Variants in CTNNA2 observed in about 807,000 individuals in gnomAD.
CTNNA2 encodes the protein catenin alpha-2.
CTNNA2 carries 42 observed loss-of-function variants against 101.0 expected under a neutral mutation model. That is an observed-to-expected ratio of 0.42 (90% CI 0.32 to 0.54). The LOEUF is 0.54. Among genes scored for constraint, CTNNA2 ranks in the 20% least tolerant of loss-of-function variants. CTNNA2 has a pLI of 0.14. For synonymous variants in CTNNA2, 450 were observed against 456.4 expected (o/e 0.99, Z 0.18); for missense variants, 871 against 1,223.1 (o/e 0.71, Z 4.29).
At chr2:79,399,212 G>T (rs1295645467) in intron 4 of CTNNA2, among the ~76,000 whole-genome samples, 1 of 152,118 alleles carries the variant, frequency 6.6e-6, no homozygotes, top group Non-Finnish European at 1.5e-5. Flanking sequence ...TTGAGGATAA[G>T]AGGCTGATTT....
chr2:79,330,851 C>A (rs996385861), intron 3 of CTNNA2, among the ~76,000 whole-genome samples: 2 of 152,160 alleles, frequency 1.3e-5, no homozygotes, highest in African/African-American at 2.4e-5. Context: ...AAACCTCTTT[C>A]CTTTATAAAT....
intron 3 of CTNNA2, among the ~76,000 whole-genome samples, chr2:79,316,363 G>A (rs1676497623): frequency 2.0e-5 from 3 of 152,042 alleles, no homozygotes; most frequent in African/African-American, 4.8e-5. Context: ...AAACTGGAAG[G>A]AGTGAGTCCT....
chr2:79,833,629 C>G (rs1244604746), intron 3 of CTNNA2, among the ~76,000 whole-genome samples: 1 of 152,104 alleles, frequency 6.6e-6, no homozygotes, highest in African/African-American at 2.4e-5. Flanking sequence ...GCATGCCACA[C>G]AAAAAGCCAA....
intron 7 of CTNNA2, among the ~76,000 whole-genome samples, chr2:80,200,624 C>T (rs1707139490): frequency 6.6e-6 from 1 of 152,144 alleles, no homozygotes. Context: ...CAATCTCCAC[C>T]TCCTGGGTTC....
At chr2:80,046,088 C>G (rs1019394371) in intron 7 of CTNNA2, among the ~76,000 whole-genome samples, 1 of 152,194 alleles carries the variant, frequency 6.6e-6, no homozygotes, top group Non-Finnish European at 1.5e-5. Flanking sequence ...GCCCTTTCCT[C>G]TGCATTCTTA....
intron 18 of CTNNA2, among the ~76,000 whole-genome samples, chr2:80,643,703 T>C (rs1392420611): frequency 6.6e-6 from 1 of 152,108 alleles, no homozygotes; most frequent in Non-Finnish European, 1.5e-5. Flanking sequence ...AGATGACTAA[T>C]AAGAGTAGCT....
intron 7 of CTNNA2, among the ~76,000 whole-genome samples, chr2:80,090,164 GTGTGTGTGTGTGTGTGTGTGTGTGTT>G (rs914617734): frequency 3.0e-5 from 3 of 99,118 alleles, no homozygotes; most frequent in African/African-American, 1.1e-4. Flanking sequence ...GTGTGTGTGT[GTGTGTGTGTGTGTGTGTGTGTGTGTT>G]TGTGTGTATG....
chr2:79,530,615 A>G (rs949751480), intron 1 of CTNNA2, among the ~76,000 whole-genome samples: 2 of 152,198 alleles, frequency 1.3e-5, no homozygotes, highest in Non-Finnish European at 2.9e-5. Context: ...GTTAAAGAAT[A>G]GAGAGGCCGC....
chr2:79,923,278 C>T (rs1329177929), intron 7 of CTNNA2, among the ~76,000 whole-genome samples: 2 of 152,092 alleles, frequency 1.3e-5, no homozygotes, highest in Non-Finnish European at 2.9e-5. Context: ...TAGCAGCCAG[C>T]ACTAGTATAT....
Position 80,619,227 on chromosome 2 carries a change from T to C in CTNNA2, c.2573T>C (p.Met858Thr), listed in dbSNP as rs1340974026. The change falls in exon 18 of 19, where the codon ATG becomes ACG. Residue 858 changes from methionine (M) to threonine (T), a missense_variant and splice_region_variant. Around this residue, in one of 5 missense-constraint regions of CTNNA2, gnomAD observed 25 missense variants for 69.5 expected, o/e 0.36. Transcript: ENST00000402739. ...PIGSGSSDSSMLDSATSLIQA... is the reference protein window; with the variant it reads ...PIGSGSSDSSTLDSATSLIQA... ...GGGAGTGGAAGCAGTGATTCCTCCA[T>C]GGTGAGTAAATTGACTTTCTAATCT... 1.9e-6 allele frequency: 3 copies of C among 1,557,556 alleles called. No individual in the cohort carries two copies. The highest frequency in any genetic ancestry group is 2.6e-6 in the Non-Finnish European group (3 of 1,152,724).
chr2:80,151,452 T>C (rs934336907), intron 7 of CTNNA2, among the ~76,000 whole-genome samples: 4 of 152,186 alleles, frequency 2.6e-5, no homozygotes, highest in Non-Finnish European at 4.4e-5. Context: ...TGTACAATGA[T>C]TGTGAAATAT....
At chr2:80,160,899 T>A (rs1385882010) in intron 7 of CTNNA2, among the ~76,000 whole-genome samples, 1 of 152,158 alleles carries the variant, frequency 6.6e-6, no homozygotes, top group African/African-American at 2.4e-5. Flanking sequence ...CTATAGTTTT[T>A]TTTTTTGGTA....
chr2:79,556,713 G>A (rs1312394143), intron 1 of CTNNA2, among the ~76,000 whole-genome samples: 1 of 151,984 alleles, frequency 6.6e-6, no homozygotes, highest in Non-Finnish European at 1.5e-5. Context: ...ATGGAATTTA[G>A]AATTAGCGAA....
chr2:80,295,629 A>G (rs1414218546), intron 7 of CTNNA2, among the ~76,000 whole-genome samples: 1 of 152,206 alleles, frequency 6.6e-6, no homozygotes, highest in Non-Finnish European at 1.5e-5. Context: ...CCCAAACTGG[A>G]AAGGTTCTTA....
chr2:80,274,249 C>T (rs1673720763), intron 7 of CTNNA2, among the ~76,000 whole-genome samples: 1 of 152,120 alleles, frequency 6.6e-6, no homozygotes, highest in Non-Finnish European at 1.5e-5. Context: ...TGTCTGAAGA[C>T]GTATTGGGGA....
chr2:80,224,437 T>G (rs1397389424), intron 7 of CTNNA2, among the ~76,000 whole-genome samples: 1 of 151,998 alleles, frequency 6.6e-6, no homozygotes, highest in East Asian at 1.9e-4. Flanking sequence ...CTGCATTTAT[T>G]TTTATTTTTA....
chr2:79,491,140 C>T lies in CTNNA2; in HGVS notation c.-134-13914C>T, dbSNP rs150730450. On this transcript the variant is annotated intron_variant, in intron 4 of 21. Coordinates refer to the CTNNA2 transcript ENST00000466387. ...CAATAACATTTGTTGTCTGCCTACT[C>T]TGTACAGGTCTGAACTTCGCTTCTT... is the stretch of plus-strand genomic sequence containing the variant. Among the ~76,000 whole-genome samples, 268 of 152,310 alleles carry T rather than the reference C, an allele frequency of 1.8e-3. 1 individual carries two copies. The highest frequency in any genetic ancestry group is 6.2e-3 in the African/African-American group (259 of 41,566).
chr2:79,415,660 T>C (rs1274292056), intron 4 of CTNNA2, among the ~76,000 whole-genome samples: 1 of 152,116 alleles, frequency 6.6e-6, no homozygotes, highest in African/African-American at 2.4e-5. Flanking sequence ...GGGCTTCTTA[T>C]TGAAGAAATC....
At chr2:80,055,319 T>G (rs190313778) in intron 7 of CTNNA2, among the ~76,000 whole-genome samples, 2 of 152,206 alleles carry the variant, frequency 1.3e-5, no homozygotes, top group South Asian at 4.1e-4. Context: ...ACTTTTGACA[T>G]GTCTGTTCCA....
Sources: gnomAD v4.1 joint callset for allele counts (sites outside exome capture counted in the v4.1 genomes callset) on GRCh38, gnomAD v4.1.1 for gene constraint, gnomAD v4.1.1 regional missense constraint, MANE v1.5 for transcripts, NCBI Gene and HGNC (gene_info 2026-07-23, HGNC 2026-07-21) for gene names.